TRPM7: variants seen among roughly 807,000 people sequenced by gnomAD.
The protein encoded by TRPM7 is LTRPC ion channel family member 7.
A neutral mutation model predicts 229.7 loss-of-function variants in TRPM7; 134 were observed. The observed-to-expected ratio is 0.58, with a 90% CI of 0.51 to 0.67. TRPM7 has a LOEUF of 0.67. Ranked by LOEUF, TRPM7 falls within the 30% of genes least tolerant of loss-of-function variation. The pLI, the probability that TRPM7 is intolerant of heterozygous loss-of-function variation, is 0.00. For missense variants in TRPM7, 1,901 were observed against 2,210.0 expected, an observed-to-expected ratio of 0.86 and a Z score of 2.80; for synonymous variants, 699 against 715.2, an observed-to-expected ratio of 0.98 and a Z score of 0.36.
intron 1 of TRPM7, among the ~76,000 whole-genome samples, chr15:50,675,716 C>G (rs1165194845): frequency 6.6e-6 from 1 of 152,176 alleles, no homozygotes; most frequent in East Asian, 1.9e-4. Context: ...GTTGCACTAC[C>G]AGATTTTACC....
At position 50,648,670 on chromosome 15, in the gene TRPM7, T is replaced by C; in HGVS notation, c.321+17A>G. 2 of 1,563,000 alleles carry C rather than the reference T, an allele frequency of 1.3e-6. No individual in the cohort carries two copies. The highest frequency in any genetic ancestry group is 1.7e-6 in the Non-Finnish European group (2 of 1,154,716). On this transcript the variant is annotated intron_variant, in intron 4 of 38. Coordinates refer to ENST00000646667, the MANE Select transcript of TRPM7 (RefSeq NM_017672.6). ...AAATAACAACATAAATGAAGAAAAA[T>C]CCAATATGTGACATACCTTAGCTCT...
In TRPM7 at chr15:50,561,695, CA is replaced by C. The variant is rs755886798; in HGVS notation, c.5580del (p.Val1861PhefsTer3). On this transcript the variant is annotated frameshift_variant, in exon 39 of 39. Transcript: ENST00000646667. LOFTEE classifies it high-confidence loss of function. ...NSTKESESTN[S>X]VRLML Reference sequence around the variant, plus strand: ...TATTAATATTATAACATCAGACGAACAGAATTAGTTGATTCTGATTCTTTGG... The same window carrying C: ...TATTAATATTATAACATCAGACGAACGAATTAGTTGATTCTGATTCTTTGG... 3.7e-6 allele frequency: 6 copies of C among 1,610,250 alleles called. No individual in the cohort carries two copies. Among genetic ancestry groups the C allele is most frequent in the Non-Finnish European group, 4.2e-6 (5 of 1,179,080 alleles).
chr15:50,585,677 T>C (rs969294515), intron 28 of TRPM7, among the ~76,000 whole-genome samples: 1 of 152,204 alleles, frequency 6.6e-6, no homozygotes, highest in Non-Finnish European at 1.5e-5. Flanking sequence ...ATAATATGCA[T>C]TGCTGAATTC....
intron 1 of TRPM7, among the ~76,000 whole-genome samples, chr15:50,664,889 T>C (rs1020289317): frequency 2.0e-5 from 3 of 152,088 alleles, no homozygotes; most frequent in African/African-American, 4.8e-5. Flanking sequence ...CACTTGAGCC[T>C]GGGAGGTCAA....
chr15:50,660,397 C>T (rs1013034053), intron 2 of TRPM7, among the ~76,000 whole-genome samples: 2 of 151,998 alleles, frequency 1.3e-5, no homozygotes, highest in Non-Finnish European at 2.9e-5. Context: ...ATACCAGGCA[C>T]GGTGACTCAC....
At position 50,561,501 on chromosome 15, in the gene TRPM7, AC is replaced by A; in HGVS notation, c.*176del. 1.6e-6 allele frequency: 1 copy of A among 612,998 alleles called. No individual in the cohort carries two copies. The highest frequency in any genetic ancestry group is 2.5e-5 in the South Asian group (1 of 40,366). 38.0% of individuals were successfully genotyped at this position (612,998 alleles called of 1,614,324 possible). On this transcript the variant is annotated 3_prime_UTR_variant, in exon 39 of 39. Transcript: ENST00000646667. ...CAGCTGCCAGCTCTATCCTATAGGG[AC>A]TTTCTGACTGATTAATCAGGTCAAA... is the stretch of plus-strand genomic sequence containing the variant.
intron 11 of TRPM7, 84 bp from the exon 12 acceptor site, chr15:50,624,384 C>T (rs371842048): frequency 4.4e-6 from 2 of 453,714 alleles, no homozygotes; most frequent in African/African-American, 1.9e-5. Flanking sequence ...TTAGGATTTA[C>T]ATTTAATTTG....
At chr15:50,597,057 C>G (rs981031919) in intron 22 of TRPM7, among the ~76,000 whole-genome samples, 1 of 152,130 alleles carries the variant, frequency 6.6e-6, no homozygotes, top group African/African-American at 2.4e-5. Flanking sequence ...ATGGTTGACT[C>G]ATAGCAAAAC....
intron 8 of TRPM7, 58 bp downstream of exon 8, chr15:50,634,324 C>CA (rs869132328): frequency 8.0e-7 from 1 of 1,257,424 alleles, no homozygotes; most frequent in Admixed American, 4.2e-5. Flanking sequence ...GACTCCGTAT[C>CA]AAAAATAAAT....
chr15:50,681,946 CTGAGGTGGATCACT>C (rs1156460110), intron 1 of TRPM7, among the ~76,000 whole-genome samples: 3 of 152,080 alleles, frequency 2.0e-5, no homozygotes, highest in African/African-American at 7.2e-5. Flanking sequence ...CTTTGGGAGG[CTGAGGTGGATCACT>C]TGAGGTCAGG....
chr15:50,669,678 G>A (rs1257968465), intron 1 of TRPM7, among the ~76,000 whole-genome samples: 1 of 152,104 alleles, frequency 6.6e-6, no homozygotes, highest in Non-Finnish European at 1.5e-5. Flanking sequence ...TGGTATACCT[G>A]TCAGTAGATT....
At chr15:50,622,632 T>C (rs1257067643) in intron 12 of TRPM7, among the ~76,000 whole-genome samples, 1 of 152,210 alleles carries the variant, frequency 6.6e-6, no homozygotes, top group Non-Finnish European at 1.5e-5. Context: ...ACGCCTGTAA[T>C]CCCAGAACTT....
intron 36 of TRPM7, among the ~76,000 whole-genome samples, chr15:50,570,677 TAAA>T (rs149970874): frequency 0.022 from 1,975 of 91,674 alleles, 63 homozygotes; most frequent in African/African-American, 0.082. Context: ...ACTTCATTCC[TAAA>T]AAAAAAAAAA....
At chr15:50,602,368 C>A (rs955853819) in intron 21 of TRPM7, among the ~76,000 whole-genome samples, 1 of 152,056 alleles carries the variant, frequency 6.6e-6, no homozygotes, top group African/African-American at 2.4e-5. Context: ...GAACATCATA[C>A]ACCGGGGCCT....
intron 1 of TRPM7, among the ~76,000 whole-genome samples, chr15:50,670,862 G>C (rs182085210): frequency 3.5e-4 from 53 of 150,804 alleles, no homozygotes; most frequent in African/African-American, 1.3e-3. Context: ...CAACAACTCT[G>C]TGCCAAAACG....
Position 50,672,353 on chromosome 15 carries a change from G to A in TRPM7, c.4-9307C>T, listed in dbSNP as rs1270798980. 2.0e-5 allele frequency among the ~76,000 whole-genome samples: 3 copies of A among 151,652 alleles called. No individual in the cohort carries two copies. In the East Asian group the frequency reaches 5.8e-4, roughly 29 times the overall value. ...TTACAGGCGTGAGCCACCTCGCCCG[G>A]CCACTCCTACCTATTTTTTTTTTTA... On this transcript the variant is annotated intron_variant, in intron 1 of 38. Coordinates refer to ENST00000646667, the MANE Select transcript of TRPM7 (RefSeq NM_017672.6).
At chr15:50,642,994 T>C (rs1400751948) in intron 5 of TRPM7, among the ~76,000 whole-genome samples, 2 of 152,108 alleles carry the variant, frequency 1.3e-5, no homozygotes, top group African/African-American at 4.8e-5. Flanking sequence ...TAATTGCTAT[T>C]ATAAAAAAAT....
At chr15:50,683,400 A>G (rs1478447719) in intron 1 of TRPM7, among the ~76,000 whole-genome samples, 2 of 152,122 alleles carry the variant, frequency 1.3e-5, no homozygotes, top group African/African-American at 2.4e-5. Context: ...GAGATCAGGC[A>G]TCAGACAACA....
intron 21 of TRPM7, among the ~76,000 whole-genome samples, chr15:50,600,100 C>A (rs2140407610): frequency 6.6e-6 from 1 of 152,256 alleles, no homozygotes; most frequent in African/African-American, 2.4e-5. Context: ...TATATAAGTT[C>A]TCCAGCCTGC....
Sources: allele counts gnomAD v4.1 joint callset (sites outside exome capture counted in the v4.1 genomes callset), GRCh38; gene constraint gnomAD v4.1.1; transcripts MANE v1.5; gene names NCBI Gene and HGNC (gene_info 2026-07-23, HGNC 2026-07-21).